The following ATF7IP variants were observed in gnomAD, a reference collection of about 807,000 sequenced individuals.
The protein encoded by ATF7IP is activating transcription factor 7 interacting protein.
ATF7IP carries 23 observed loss-of-function variants against 106.4 expected under a neutral mutation model. That is an observed-to-expected ratio of 0.22 (90% CI 0.16 to 0.31). ATF7IP has a LOEUF of 0.31. Among genes scored for constraint, ATF7IP ranks in the 10% least tolerant of loss-of-function variants. ATF7IP has a pLI of 1.00. For synonymous variants in ATF7IP, 542 were observed against 539.0 expected (o/e 1.01, Z -0.08); for missense variants, 1,334 against 1,524.3 (o/e 0.88, Z 2.08).
chr12:14,412,871 A>G (rs1436259755), intron 1 of ATF7IP, among the ~76,000 whole-genome samples: 1 of 152,046 alleles, frequency 6.6e-6, no homozygotes, highest in African/African-American at 2.4e-5. Flanking sequence ...AAAATTAGCC[A>G]GGCTTGGTGG....
intron 1 of ATF7IP, among the ~76,000 whole-genome samples, chr12:14,377,448 C>T (rs1231899292): frequency 7.3e-5 from 11 of 151,538 alleles, no homozygotes; most frequent in Non-Finnish European, 1.5e-4. Context: ...CTCCGCCTCC[C>T]AGGTTCACGC....
intron 1 of ATF7IP, among the ~76,000 whole-genome samples, chr12:14,404,786 A>G (rs1415215386): frequency 6.6e-6 from 1 of 152,174 alleles, no homozygotes; most frequent in Non-Finnish European, 1.5e-5. Context: ...GCAGAAGACC[A>G]TGGGTATCAG....
chr12:14,403,917 A>G (rs893604600), intron 1 of ATF7IP, among the ~76,000 whole-genome samples: 4 of 152,196 alleles, frequency 2.6e-5, no homozygotes, highest in African/African-American at 9.6e-5. Flanking sequence ...TCTTGTGGCT[A>G]TAACTGAATT....
intron 2 of ATF7IP, among the ~76,000 whole-genome samples, chr12:14,426,826 A>T (rs1200466571): frequency 1.1e-5 from 1 of 92,506 alleles, no homozygotes; most frequent in African/African-American, 4.8e-5. Context: ...CCTGCCTCAA[A>T]AAAAAAAAAA....
chr12:14,405,216 G>A (rs918299552), intron 1 of ATF7IP, among the ~76,000 whole-genome samples: 1 of 152,022 alleles, frequency 6.6e-6, no homozygotes, highest in Non-Finnish European at 1.5e-5. Flanking sequence ...AGGTTTAACT[G>A]AAGGAAGATG....
intron 1 of ATF7IP, chr12:14,395,290 C>G (rs1247430694): frequency 6.9e-6 from 1 of 144,792 alleles, no homozygotes; most frequent in Non-Finnish European, 1.5e-5. Context: ...ACACCTACCC[C>G]CCAGGCTTTA....
Position 14,435,849 on chromosome 12 carries a change from T to G in ATF7IP, c.1646-257T>G, listed in dbSNP as rs1433906848. ...GACACAATTGTGAGGCAGTTCTTAGTATGAAGATTTCAAGGAAATTCTGTG... is the reference window on the plus strand; with the variant it reads ...GACACAATTGTGAGGCAGTTCTTAGGATGAAGATTTCAAGGAAATTCTGTG... On this transcript the variant is annotated intron_variant, in intron 3 of 14. Transcript: ENST00000261168. 2.6e-5 allele frequency among the ~76,000 whole-genome samples: 4 copies of G among 152,228 alleles called. No individual in the cohort carries two copies. The East Asian group carries it at 7.7e-4, about 29-fold the overall frequency.
At chr12:14,434,874 C>T (rs1942326048) in intron 3 of ATF7IP, among the ~76,000 whole-genome samples, 1 of 152,078 alleles carries the variant, frequency 6.6e-6, no homozygotes, top group Non-Finnish European at 1.5e-5. Context: ...TTGCTTGAGG[C>T]CAGTAATGCA....
chr12:14,499,063 C>G lies in ATF7IP; in HGVS notation c.*990C>G, dbSNP rs1945091096. On this transcript the variant is annotated 3_prime_UTR_variant, in exon 15 of 15. Coordinates refer to ENST00000261168, the MANE Select transcript of ATF7IP (RefSeq NM_018179.5). ...GTTTCACCATGTTGGCCAGGCTGGT[C>G]TTGAACTCCTGACCTCAGGTGATCC... 6.6e-6 allele frequency: 1 copy of G among 152,150 alleles called. No homozygotes were observed. The allele number at this position is 152,150 out of a possible 1,614,324, so 9.4% of individuals were successfully genotyped here.
intron 5 of ATF7IP, among the ~76,000 whole-genome samples, 188 bp downstream of exon 5, chr12:14,438,455 A>T (rs1380692039): frequency 1.3e-5 from 2 of 152,242 alleles, no homozygotes; most frequent in Non-Finnish European, 2.9e-5. Flanking sequence ...TAAACAGTAG[A>T]AATATTCTGT....
chr12:14,460,916 T>C lies in ATF7IP; in HGVS notation c.2580T>C (p.Thr860=), dbSNP rs772959732. The stretch of plus-strand genomic sequence containing the variant: ...GTCCTAGTATTCAAAGGAACCCTAC[T>C]GCCAGTGCTGCACCATTGGGAACAA... ...VPSPSIQRNP[T]ASAAPLGTTL... is the part of the protein sequence containing the mutation. The change falls in exon 9 of 15, where the codon ACT becomes ACC. Residue 860 remains threonine (T), a synonymous_variant. Transcript: ENST00000261168. The C allele has an allele frequency of 1.2e-6, 2 of 1,614,044 alleles. No homozygotes were observed. The highest frequency in any genetic ancestry group is 2.7e-5 in the African/African-American group (2 of 74,906).
chr12:14,486,666 C>A (rs1944627554), intron 13 of ATF7IP, among the ~76,000 whole-genome samples: 1 of 152,298 alleles, frequency 6.6e-6, no homozygotes, highest in South Asian at 2.1e-4. Flanking sequence ...AATGCTAGAG[C>A]TCTATACAAG....
intron 13 of ATF7IP, among the ~76,000 whole-genome samples, chr12:14,494,506 TTA>T (rs1211627518): frequency 6.8e-6 from 1 of 146,714 alleles, no homozygotes; most frequent in Non-Finnish European, 1.5e-5. Context: ...TATATATACT[TTA>T]TATCCTACTA....
At chr12:14,408,116 G>GCACACACACACACACACA (rs56229725) in intron 1 of ATF7IP, among the ~76,000 whole-genome samples, 1 of 148,982 alleles carries the variant, frequency 6.7e-6, no homozygotes, top group African/African-American at 2.5e-5. Flanking sequence ...ATATTGATGT[G>GCACACACACACACACACA]CACACACACA....
At position 14,478,458 on chromosome 12, in the gene ATF7IP, A is replaced by G. The variant is rs759146813; in HGVS notation, c.3083A>G (p.His1028Arg). The G allele has an allele frequency of 1.1e-5, 18 of 1,613,804 alleles. No individual in the cohort carries two copies. Among genetic ancestry groups the G allele is most frequent in the Non-Finnish European group, 1.4e-5 (17 of 1,179,912 alleles). ...PTSGPSQTTI[H>R]LLPTAPTTVN... ...AGTGGACCATCTCAGACCACCATAC[A>G]CTTACTACCTACAGGTAAATTTGTT... Residue 1028 changes from histidine to arginine, a missense_variant, in exon 12 of 15, where the codon CAC becomes CGC. By Grantham distance (29) the His-to-Arg change is conservative (BLOSUM62 0). This residue lies in a region of ATF7IP where 370 missense variants were observed against 401.2 expected (regional missense o/e 0.92). Coordinates refer to ENST00000261168, the MANE Select transcript of ATF7IP (RefSeq NM_018179.5).
intron 4 of ATF7IP, among the ~76,000 whole-genome samples, chr12:14,436,819 CAAGG>C (rs1211933835): frequency 6.7e-6 from 1 of 149,172 alleles, no homozygotes; most frequent in East Asian, 2.0e-4. Flanking sequence ...ATTATCAAAA[CAAGG>C]GAGAGAAGGT....
At chr12:14,369,366 G>A (rs1260865646) in intron 1 of ATF7IP, 1 of 152,020 alleles carries the variant, frequency 6.6e-6, no homozygotes, top group Non-Finnish European at 1.5e-5. Context: ...TATTATTATT[G>A]TTTTTTGAGG....
At chr12:14,442,903 C>G (rs569568696) in intron 5 of ATF7IP, among the ~76,000 whole-genome samples, 1 of 152,036 alleles carries the variant, frequency 6.6e-6, no homozygotes, top group Admixed American at 6.5e-5. Flanking sequence ...GCTTGTAATC[C>G]GAGCACTTTG....
chr12:14,472,370 A>G (rs1944083452), intron 10 of ATF7IP, among the ~76,000 whole-genome samples: 1 of 152,228 alleles, frequency 6.6e-6, no homozygotes, highest in Non-Finnish European at 1.5e-5. Context: ...TGTTATTTAG[A>G]AAATAAAAAT....
Sources: allele counts gnomAD v4.1 joint callset (sites outside exome capture counted in the v4.1 genomes callset), GRCh38; gene constraint gnomAD v4.1.1; regional missense constraint gnomAD v4.1.1; transcripts MANE v1.5; gene names NCBI Gene and HGNC (gene_info 2026-07-23, HGNC 2026-07-21).